Variants in GRIK4 observed in about 807,000 individuals in gnomAD.
The protein encoded by GRIK4 is glutamate ionotropic receptor kainate type subunit 4, also known as glutamate receptor ionotropic, kainate 4.
GRIK4 carries 40 observed loss-of-function variants against 104.9 expected under a neutral mutation model. That is an observed-to-expected ratio of 0.38 (90% CI 0.30 to 0.50). GRIK4 has a LOEUF of 0.50. Ranked by LOEUF, GRIK4 falls within the 20% of genes least tolerant of loss-of-function variation. The probability of loss-of-function intolerance (pLI) is 0.93; values close to 1 mark genes in which losing one functional copy is unlikely to be tolerated. For synonymous variants in GRIK4, 485 were observed against 524.9 expected, an observed-to-expected ratio of 0.92 and a Z score of 1.04; for missense variants, 1,047 against 1,308.1, an observed-to-expected ratio of 0.80 and a Z score of 3.08.
At chr11:120,573,190 G>C (rs1948424021) in intron 1 of GRIK4, among the ~76,000 whole-genome samples, 1 of 152,206 alleles carries the variant, frequency 6.6e-6, no homozygotes, top group Non-Finnish European at 1.5e-5. Flanking sequence ...CGGTCTGCTA[G>C]AGTGAGCCCC....
intron 13 of GRIK4, among the ~76,000 whole-genome samples, chr11:120,918,694 G>A (rs1029812502): frequency 6.6e-6 from 1 of 152,132 alleles, no homozygotes; most frequent in Non-Finnish European, 1.5e-5. Context: ...CAACTGTACT[G>A]GGAATGAGAC....
At position 120,777,964 on chromosome 11, in the gene GRIK4, C is replaced by T. The variant is rs537257609; in HGVS notation, c.83-24729C>T. ...AAAAAAAAAAGAAAAAAAAAAAGGA[C>T]GAAATAAAGTAGAGCAGGGTAAGGA... On this transcript the variant is annotated intron_variant, in intron 3 of 20. Coordinates refer to ENST00000527524, the MANE Select transcript of GRIK4 (RefSeq NM_014619.5). Among the ~76,000 whole-genome samples the T allele has an allele frequency of 7.4e-5, 11 of 149,464 alleles. No homozygotes were observed. The South Asian group carries it at 1.3e-3, about 17-fold the overall frequency.
At chr11:120,543,486 A>T (rs562922463) in intron 1 of GRIK4, among the ~76,000 whole-genome samples, 1 of 140,130 alleles carries the variant, frequency 7.1e-6, no homozygotes, top group East Asian at 2.1e-4. Context: ...GAGGCAGGAG[A>T]ATTACTTGAA....
At chr11:120,979,763 G>T (rs1944619592) in intron 19 of GRIK4, among the ~76,000 whole-genome samples, 1 of 152,150 alleles carries the variant, frequency 6.6e-6, no homozygotes, top group Non-Finnish European at 1.5e-5. Flanking sequence ...AGACCTAAAG[G>T]GGAAAGAAAA....
chr11:120,846,796 G>T (rs1953862559), intron 8 of GRIK4, among the ~76,000 whole-genome samples: 1 of 152,166 alleles, frequency 6.6e-6, no homozygotes, highest in South Asian at 2.1e-4. Flanking sequence ...TGAGTTTATG[G>T]ATTGGATGAA....
intron 9 of GRIK4, chr11:120,871,883 A>T (rs1195530834): frequency 2.2e-6 from 1 of 456,190 alleles, no homozygotes; most frequent in Non-Finnish European, 4.4e-6. Flanking sequence ...GGAACAGACA[A>T]ACTTTGTTGA....
intron 4 of GRIK4, among the ~76,000 whole-genome samples, chr11:120,814,295 A>T (rs1308122382): frequency 6.6e-6 from 1 of 152,186 alleles, no homozygotes; most frequent in Non-Finnish European, 1.5e-5. Context: ...AGGCAGTGTT[A>T]ATTCCATCTA....
chr11:120,830,254 G>T (rs1187385067), intron 6 of GRIK4, among the ~76,000 whole-genome samples: 1 of 151,140 alleles, frequency 6.6e-6, no homozygotes, highest in Non-Finnish European at 1.5e-5. Context: ...CCTGAGACAC[G>T]TGTCTCTGGA....
rs541765614 is a variant in GRIK4 at position 120,798,523 on chromosome 11, C to T, written c.83-4170C>T. On this transcript the variant is annotated intron_variant, in intron 3 of 20. Coordinates refer to ENST00000527524, the MANE Select transcript of GRIK4 (RefSeq NM_014619.5). Reference sequence around the variant, plus strand: ...AGACAATCTCACTCTGTCGACCAGGCTGGAATGCGGTGGCATGATCCTGTT... The same window carrying T: ...AGACAATCTCACTCTGTCGACCAGGTTGGAATGCGGTGGCATGATCCTGTT... 2.6e-5 allele frequency among the ~76,000 whole-genome samples: 4 copies of T among 152,202 alleles called. No homozygotes were observed. In the South Asian group the frequency reaches 8.3e-4, roughly 32 times the overall value.
intron 3 of GRIK4, among the ~76,000 whole-genome samples, chr11:120,711,681 A>G (rs59498435): frequency 5.3e-5 from 8 of 152,332 alleles, no homozygotes; most frequent in African/African-American, 1.7e-4. Flanking sequence ...TGTTTTCCAG[A>G]AAAGAACTTC....
intron 19 of GRIK4, among the ~76,000 whole-genome samples, chr11:120,970,360 G>A (rs1460860815): frequency 1.3e-5 from 2 of 152,172 alleles, no homozygotes; most frequent in Admixed American, 6.5e-5. Flanking sequence ...GGTCCAGGCC[G>A]CAAGCTCTGG....
intron 1 of GRIK4, among the ~76,000 whole-genome samples, chr11:120,624,318 CCCATGGGGCA>C (rs1249051891): frequency 1.3e-5 from 2 of 151,930 alleles, no homozygotes; most frequent in East Asian, 1.9e-4. Flanking sequence ...CCCATGGGGC[CCCATGGGGCA>C]GAAATATCTG....
At chr11:120,537,851 A>T (rs1191997546) in intron 1 of GRIK4, among the ~76,000 whole-genome samples, 1 of 141,794 alleles carries the variant, frequency 7.1e-6, no homozygotes, top group East Asian at 2.0e-4. Flanking sequence ...GTTTGTTCTT[A>T]AAAAAAAAAA....
At chr11:120,932,932 A>G (rs1943512644) in intron 13 of GRIK4, among the ~76,000 whole-genome samples, 2 of 152,222 alleles carry the variant, frequency 1.3e-5, no homozygotes, top group Admixed American at 1.3e-4. Context: ...CAGAGATAGA[A>G]GAGAGGATCT....
intron 1 of GRIK4, among the ~76,000 whole-genome samples, chr11:120,631,517 T>C (rs894493675): frequency 2.0e-5 from 3 of 151,694 alleles, no homozygotes; most frequent in Admixed American, 2.0e-4. Flanking sequence ...AAGGAGAGAG[T>C]GACAAGCCTG....
chr11:120,838,327 G>A (rs1017951413), intron 8 of GRIK4, among the ~76,000 whole-genome samples: 5 of 152,132 alleles, frequency 3.3e-5, no homozygotes, highest in Non-Finnish European at 7.3e-5. Context: ...TTTATTATGA[G>A]GATTAACTGG....
In GRIK4 at chr11:120,981,023, T is replaced by G. The variant is rs183885908; in HGVS notation, c.2396-1083T>G. 1.7e-3 allele frequency among the ~76,000 whole-genome samples: 260 copies of G among 152,154 alleles called. 1 individual carries two copies. The highest frequency in any genetic ancestry group is 6.0e-3 in the African/African-American group (247 of 41,482). ...CGTGCGAAGCTGACTGCCCCGACAC[T>G]GACGAGGCTCCATGTTCTGTGAGGA... On this transcript the variant is annotated intron_variant, in intron 19 of 20. Coordinates refer to ENST00000527524, the MANE Select transcript of GRIK4 (RefSeq NM_014619.5).
chr11:120,643,070 C>T (rs1213580834), intron 1 of GRIK4, among the ~76,000 whole-genome samples: 3 of 152,268 alleles, frequency 2.0e-5, no homozygotes, highest in East Asian at 3.9e-4. Context: ...GTATGGCAGG[C>T]ATTGTTCTAG....
At chr11:120,564,173 C>T (rs1457021200) in intron 1 of GRIK4, among the ~76,000 whole-genome samples, 2 of 152,134 alleles carry the variant, frequency 1.3e-5, no homozygotes, top group African/African-American at 4.8e-5. Flanking sequence ...CCCACGTGCG[C>T]GCTAGGCCTT....
Sources: allele counts gnomAD v4.1 joint callset (sites outside exome capture counted in the v4.1 genomes callset), GRCh38; gene constraint gnomAD v4.1.1; transcripts MANE v1.5; gene names NCBI Gene and HGNC (gene_info 2026-07-23, HGNC 2026-07-21).